Variants in NECTIN1 observed in about 807,000 individuals in gnomAD.
NECTIN1 encodes nectin-1.
NECTIN1 carries 23 observed loss-of-function variants against 48.0 expected under a neutral mutation model. The ratio of observed to expected loss-of-function variants is 0.48; its 90% CI spans 0.34 to 0.68. The LOEUF (loss-of-function observed/expected upper bound fraction) is 0.68. Among genes scored for constraint, NECTIN1 ranks in the 30% least tolerant of loss-of-function variants. The probability of loss-of-function intolerance (pLI) is 0.01; values close to 1 mark genes in which losing one functional copy is unlikely to be tolerated. For missense variants in NECTIN1, 591 were observed against 709.9 expected, an observed-to-expected ratio of 0.83 and a Z score of 1.90; for synonymous variants, 270 against 288.9, an observed-to-expected ratio of 0.93 and a Z score of 0.66.
chr11:119,695,262 T>A (rs960670143), intron 1 of NECTIN1, among the ~76,000 whole-genome samples: 25 of 151,976 alleles, frequency 1.6e-4, no homozygotes, highest in African/African-American at 6.0e-4. Flanking sequence ...CTTCACAATC[T>A]GTCCCTGCCC....
intron 1 of NECTIN1, among the ~76,000 whole-genome samples, chr11:119,681,353 G>A (rs1167242344): frequency 6.6e-6 from 1 of 152,190 alleles, no homozygotes; most frequent in Non-Finnish European, 1.5e-5. Context: ...TGGGATCCAG[G>A]AGCCATTTTG....
intron 4 of NECTIN1, among the ~76,000 whole-genome samples, chr11:119,676,564 G>A (rs953624002): frequency 3.3e-5 from 5 of 152,218 alleles, no homozygotes; most frequent in Non-Finnish European, 7.3e-5. Context: ...AGGGGAGAAG[G>A]CGAAGGCAAG....
chr11:119,704,117 G>T (rs1367677489), intron 1 of NECTIN1, among the ~76,000 whole-genome samples: 2 of 152,182 alleles, frequency 1.3e-5, no homozygotes, highest in Non-Finnish European at 2.9e-5. Flanking sequence ...TCACACAGCT[G>T]GGTGCACCCC....
rs117771843 is a variant in NECTIN1 at position 119,690,199 on chromosome 11, C to T, written c.80-11434G>A. Among the ~76,000 whole-genome samples, 564 of 152,236 alleles carry T rather than the reference C, an allele frequency of 3.7e-3. 5 individuals are homozygous for T. In the East Asian group the frequency reaches 0.048, roughly 13 times the overall value. Reference sequence around the variant, plus strand: ...AGCCGGAGCTCCTTTCCTCGCAGCCCCTCCTTGGTGAAACGTCACCCTGCA... The same window carrying T: ...AGCCGGAGCTCCTTTCCTCGCAGCCTCTCCTTGGTGAAACGTCACCCTGCA... On this transcript the variant is annotated intron_variant, in intron 1 of 5. Coordinates refer to ENST00000264025, the MANE Select transcript of NECTIN1 (RefSeq NM_002855.5).
intron 4 of NECTIN1, chr11:119,675,637 C>T: frequency 3.2e-6 from 1 of 311,100 alleles, no homozygotes; most frequent in Non-Finnish European, 6.2e-6. Flanking sequence ...TCTCGGGACT[C>T]CTGGTAAAGT....
In NECTIN1 at chr11:119,663,655, TGGATCCCCCTG is replaced by T; in HGVS notation, c.*1081_*1091del. The T allele has an allele frequency of 1.0e-6, 1 of 985,496 alleles. No homozygotes were observed. The highest frequency in any genetic ancestry group is 1.2e-6 in the Non-Finnish European group (1 of 829,938). The allele number at this position is 985,496 out of a possible 1,614,324, so 61.0% of individuals were successfully genotyped here. A position where few individuals can be genotyped will look rare whatever the true frequency, so the allele number is the denominator to read the frequency against. ...CTTCTTTACCTCTGACTCCTGCAGG[TGGATCCCCCTG>T]GGATCCCAGCCCTGACTAGCCAAAA... On this transcript the variant is annotated 3_prime_UTR_variant, in exon 6 of 6. Transcript: ENST00000264025.
At chr11:119,682,106 G>A (rs1477045344) in intron 1 of NECTIN1, among the ~76,000 whole-genome samples, 2 of 152,134 alleles carry the variant, frequency 1.3e-5, no homozygotes, top group Non-Finnish European at 2.9e-5. Context: ...CTCGTATTAG[G>A]GGCTGCCTGC....
At chr11:119,649,920 C>T (rs1043754117) in intron 5 of NECTIN1, among the ~76,000 whole-genome samples, 2 of 152,138 alleles carry the variant, frequency 1.3e-5, no homozygotes, top group African/African-American at 4.8e-5. Flanking sequence ...AAGAGACCAC[C>T]AAACAGGCTT....
At chr11:119,645,973 C>T (rs1591437087) in intron 5 of NECTIN1, among the ~76,000 whole-genome samples, 1 of 152,218 alleles carries the variant, frequency 6.6e-6, no homozygotes, top group Non-Finnish European at 1.5e-5. Flanking sequence ...GGAGGCTCAA[C>T]CCTCTTGTCT....
At chr11:119,682,308 G>A (rs559855631) in intron 1 of NECTIN1, among the ~76,000 whole-genome samples, 17 of 152,274 alleles carry the variant, frequency 1.1e-4, no homozygotes, top group East Asian at 5.8e-4. Context: ...GGTGGGCCAC[G>A]AGAAGGGACC....
chr11:119,677,455 A>T lies in NECTIN1; in HGVS notation c.733+100T>A. 2 of 1,376,634 alleles carry T rather than the reference A, an allele frequency of 1.5e-6. No individual in the cohort carries two copies. Among genetic ancestry groups the T allele is most frequent in the Non-Finnish European group, 2.1e-6 (2 of 971,192 alleles). The allele number at this position is 1,376,634 out of a possible 1,614,324, so 85.3% of individuals were successfully genotyped here. A position where few individuals can be genotyped will look rare whatever the true frequency, so the allele number is the denominator to read the frequency against. On this transcript the variant is annotated intron_variant, in intron 3 of 5. Coordinates refer to ENST00000264025, the MANE Select transcript of NECTIN1 (RefSeq NM_002855.5). The surrounding 1 kb of genome is among the most constrained non-coding windows in gnomAD (Gnocchi z 5.4). The stretch of plus-strand genomic sequence containing the variant: ...ATAGGGGAGACAGGAGGGGAGAAGA[A>T]AGCACCCCCAGAAAGAGAAAGGGAG...
In NECTIN1 at chr11:119,674,536, C is replaced by T. The variant is rs550368731; in HGVS notation, c.1003+623G>A. 1.9e-5 allele frequency: 31 copies of T among 1,614,114 alleles called. No homozygotes were observed. In the South Asian group the frequency reaches 3.3e-4, roughly 17 times the overall value. ...TGGTGGGGGGGGCCCTGTCCAGGGT[C>T]ACAGCTGTCTGACATCAAGCCCATG... On this transcript the variant is annotated intron_variant, in intron 5 of 5. Coordinates refer to ENST00000264025, the MANE Select transcript of NECTIN1 (RefSeq NM_002855.5).
chr11:119,664,088 C>T lies in NECTIN1; in HGVS notation c.*659G>A. The T allele has an allele frequency of 1.0e-6, 1 of 985,722 alleles. No homozygotes were observed. Among genetic ancestry groups the T allele is most frequent in the Non-Finnish European group, 1.2e-6 (1 of 830,132 alleles). 61.1% of individuals were successfully genotyped at this position (985,722 alleles called of 1,614,324 possible). On this transcript the variant is annotated 3_prime_UTR_variant, in exon 6 of 6. Coordinates refer to ENST00000264025, the MANE Select transcript of NECTIN1 (RefSeq NM_002855.5). ...CTAGGCCAACTCCACTCTCTGTGGG[C>T]CAATGAGGAAAAAAAATGTAAAACC...
chr11:119,721,407 A>G (rs544569686), intron 1 of NECTIN1, among the ~76,000 whole-genome samples: 1 of 152,356 alleles, frequency 6.6e-6, no homozygotes, highest in African/African-American at 2.4e-5. Flanking sequence ...CTGGTGCCCA[A>G]GGCCACTGGC....
Position 119,677,823 on chromosome 11 carries a change from T to A in NECTIN1, c.465A>T (p.Ala155=), listed in dbSNP as rs34643468. Residue 155 remains alanine (A), a synonymous_variant, in exon 3 of 6, where the codon GCA becomes GCT. Transcript: ENST00000264025. This position sits in a 1 kb window ranked among gnomAD's most constrained non-coding sequence, Gnocchi z 5.4. ...KPTNWIEGTQ[A]VLRAKKGQDD... is the part of the protein sequence containing the mutation. ...CCTGCCCCTTCTTGGCTCGAAGCAC[T>A]GCCTGGGTACCCTCTATCCAATTGG... The A allele has an allele frequency of 1.2e-4, 197 of 1,614,176 alleles. No homozygotes were observed. The African/African-American group carries it at 2.4e-3, about 20-fold the overall frequency.
chr11:119,648,562 G>C (rs1229039546), intron 5 of NECTIN1, among the ~76,000 whole-genome samples: 1 of 150,990 alleles, frequency 6.6e-6, no homozygotes, highest in African/African-American at 2.4e-5. Context: ...CAGCTGGGCA[G>C]AGCAACGGGC....
At chr11:119,682,761 A>G (rs925328103) in intron 1 of NECTIN1, among the ~76,000 whole-genome samples, 24 of 152,094 alleles carry the variant, frequency 1.6e-4, no homozygotes, top group African/African-American at 5.3e-4. Flanking sequence ...CATCATCATC[A>G]CCATCATCTT....
chr11:119,664,973 T>A lies in NECTIN1; in HGVS notation c.1328A>T (p.Glu443Val). 6.2e-7 allele frequency: 1 copy of A among 1,604,898 alleles called. No individual in the cohort carries two copies. The highest frequency in any genetic ancestry group is 8.5e-7 in the Non-Finnish European group (1 of 1,172,166). ...GCGCTCGCCCCCTCCACCGCCCTCC[T>A]CCTCCTCCTCCTCCTCCTCATAGCT... is the stretch of plus-strand genomic sequence containing the variant. ...GSSYEEEEEE[E>V]EGGGGGERKV... Residue 443 changes from glutamate to valine, a missense_variant, in exon 6 of 6, where the codon GAG (glutamate) becomes GTG (valine). Physicochemically the swap from Glu to Val is moderately radical, Grantham distance 121. Transcript: ENST00000264025.
rs1456338952 is a variant in NECTIN1 at position 119,639,355 on chromosome 11, T to C, written c.1151+510A>G. On this transcript the variant is annotated intron_variant, in intron 6 of 7. Transcript: ENST00000341398. ...ATTCTAATCCTGTCTTTATTTACAATGTGGACGTTTTGTTCATCATGGGTT... is the reference window on the plus strand; with the variant it reads ...ATTCTAATCCTGTCTTTATTTACAACGTGGACGTTTTGTTCATCATGGGTT... 30 of 199,578 alleles carry C rather than the reference T, an allele frequency of 1.5e-4. 1 individual carries two copies. The highest frequency in any genetic ancestry group is 1.5e-3 in the Admixed American group (28 of 18,902). 12.4% of individuals were successfully genotyped at this position (199,578 alleles called of 1,614,324 possible). A position where few individuals can be genotyped will look rare whatever the true frequency, so the allele number is the denominator to read the frequency against.
Sources: allele counts gnomAD v4.1 joint callset (sites outside exome capture counted in the v4.1 genomes callset), GRCh38; gene constraint gnomAD v4.1.1; non-coding constraint Gnocchi (gnomAD v3.1); transcripts MANE v1.5; gene names NCBI Gene and HGNC (gene_info 2026-07-23, HGNC 2026-07-21).